Variants in LARGE1 observed in about 807,000 individuals in gnomAD.
LARGE1 encodes xylosyl- and glucuronyltransferase LARGE1.
LARGE1 carries 43 observed loss-of-function variants against 87.6 expected under a neutral mutation model. That is an observed-to-expected ratio of 0.49 (90% CI 0.38 to 0.63). The LOEUF (loss-of-function observed/expected upper bound fraction) is 0.63. Among genes scored for constraint, LARGE1 ranks in the 30% least tolerant of loss-of-function variants. The pLI is 0.00. For missense variants in LARGE1, 802 were observed against 1,000.2 expected (o/e 0.80, Z 2.67); for synonymous variants, 434 against 394.6 (o/e 1.10, Z -1.18).
intron 6 of LARGE1, among the ~76,000 whole-genome samples, chr22:33,545,785 T>C (rs984238990): frequency 2.0e-5 from 3 of 152,150 alleles, no homozygotes; most frequent in African/African-American, 7.2e-5. Flanking sequence ...GGTTTCGCCA[T>C]GTTGCCCAGG....
intron 7 of LARGE1, among the ~76,000 whole-genome samples, chr22:33,399,665 C>T (rs998689193): frequency 6.6e-6 from 1 of 152,188 alleles, no homozygotes. Flanking sequence ...TCTCCTGCCT[C>T]AGCCTCCTGA....
At chr22:33,687,250 C>A (rs2081972356) in intron 2 of LARGE1, among the ~76,000 whole-genome samples, 1 of 151,726 alleles carries the variant, frequency 6.6e-6, no homozygotes, top group Non-Finnish European at 1.5e-5. Context: ...CTGCCTTGGC[C>A]TCTCCAAGTG....
chr22:33,874,463 GC>G (rs1419248325), intron 1 of LARGE1, among the ~76,000 whole-genome samples: 2 of 152,210 alleles, frequency 1.3e-5, no homozygotes. Context: ...ACACGTGGCA[GC>G]TGAAACGGAG....
intron 2 of LARGE1, among the ~76,000 whole-genome samples, chr22:33,698,468 T>A (rs765350462): frequency 3.3e-5 from 5 of 151,734 alleles, no homozygotes; most frequent in Admixed American, 6.6e-5. Flanking sequence ...GCTCGGCTAA[T>A]TTTTGTATTC....
intron 1 of LARGE1, among the ~76,000 whole-genome samples, chr22:33,798,445 G>A (rs146560395): frequency 6.6e-4 from 101 of 152,292 alleles, no homozygotes; most frequent in African/African-American, 2.3e-3. Flanking sequence ...AAATGTACAA[G>A]TTAAAAAGGA....
chr22:33,660,624 A>G (rs2081096240), intron 2 of LARGE1, among the ~76,000 whole-genome samples: 1 of 152,118 alleles, frequency 6.6e-6, no homozygotes, highest in African/African-American at 2.4e-5. Flanking sequence ...CTCCTTCCCC[A>G]GTTTCTTGAG....
chr22:33,790,906 C>T (rs2085801507), intron 1 of LARGE1, among the ~76,000 whole-genome samples: 1 of 152,194 alleles, frequency 6.6e-6, no homozygotes, highest in African/African-American at 2.4e-5. Context: ...AAGTTTCAAT[C>T]CTTTTTTTAT....
chr22:33,885,588 GTTATAA>G (rs1165208920), intron 1 of LARGE1, among the ~76,000 whole-genome samples: 2 of 152,206 alleles, frequency 1.3e-5, no homozygotes, highest in South Asian at 2.1e-4. Context: ...TTAAAACAAA[GTTATAA>G]TTATAATGAA....
rs35955838 is a variant in LARGE1, at chr22:33,303,808, A to AGGG, written c.1730+418_1730+420dup. 9.1e-4 allele frequency among the ~76,000 whole-genome samples: 133 copies of AGGG among 146,648 alleles called. 2 individuals are homozygous for AGGG. Among genetic ancestry groups the AGGG allele is most frequent in the African/African-American group, 2.9e-3 (114 of 38,910 alleles). The stretch of plus-strand genomic sequence containing the variant: ...AGCTAATTTTTTTGGTATTTTTAGT[A>AGGG]GGGGGGGGGTTTCACCATGTTGGCC... On this transcript the variant is annotated intron_variant, in intron 12 of 14. Transcript: ENST00000397394.
At chr22:33,362,264 A>G (rs2064414869) in intron 9 of LARGE1, among the ~76,000 whole-genome samples, 1 of 149,448 alleles carries the variant, frequency 6.7e-6, no homozygotes, top group African/African-American at 2.5e-5. Context: ...GTGTATTTCT[A>G]TGGAGCACTC....
chr22:33,229,182 C>T (rs569035097), intron 11 of LARGE1, among the ~76,000 whole-genome samples: 4 of 152,264 alleles, frequency 2.6e-5, no homozygotes, highest in African/African-American at 4.8e-5. Flanking sequence ...ATCTTATCAG[C>T]TACAAATTCA....
At chr22:33,433,528 G>A (rs868167217) in intron 6 of LARGE1, among the ~76,000 whole-genome samples, 6 of 150,756 alleles carry the variant, frequency 4.0e-5, no homozygotes, top group South Asian at 2.1e-4. Context: ...TCCGGAAGGC[G>A]GAGCTTGCAG....
At chr22:33,067,317 T>C in the LARGE1 span, among the ~76,000 whole-genome samples, 1 of 152,086 alleles carries the variant, frequency 6.6e-6, no homozygotes, top group Non-Finnish European at 1.5e-5. Flanking sequence ...GACTTTTCCT[T>C]TCAAAGAAGA....
At chr22:33,763,378 G>A (rs1480082749) in intron 1 of LARGE1, among the ~76,000 whole-genome samples, 3 of 152,154 alleles carry the variant, frequency 2.0e-5, no homozygotes, top group Non-Finnish European at 2.9e-5. Flanking sequence ...AGACCACGGG[G>A]CTAGAGGGTG....
chr22:33,328,467 C>A (rs756797078), intron 10 of LARGE1, among the ~76,000 whole-genome samples: 8 of 152,018 alleles, frequency 5.3e-5, no homozygotes, highest in Non-Finnish European at 1.0e-4. Flanking sequence ...GTAATCCCAG[C>A]TACTCGAGAG....
At chr22:33,421,143 C>G (rs2066677266) in intron 7 of LARGE1, among the ~76,000 whole-genome samples, 1 of 152,056 alleles carries the variant, frequency 6.6e-6, no homozygotes, top group Non-Finnish European at 1.5e-5. Flanking sequence ...GAGCAGAGAT[C>G]ACGCCACTGC....
chr22:33,116,552 A>C, the LARGE1 span, among the ~76,000 whole-genome samples: 2 of 149,030 alleles, frequency 1.3e-5, no homozygotes. Flanking sequence ...TTTAGTAGAG[A>C]CGGGGTTTCA....
chr22:33,438,323 G>A (rs995724164), intron 6 of LARGE1, among the ~76,000 whole-genome samples: 1 of 152,074 alleles, frequency 6.6e-6, no homozygotes, highest in Admixed American at 6.5e-5. Flanking sequence ...CGTCTTCTTG[G>A]GAGTTATTGT....
chr22:33,562,891 G>A (rs2077903213), intron 6 of LARGE1: 1 of 152,532 alleles, frequency 6.6e-6, no homozygotes, highest in South Asian at 2.1e-4. Context: ...AGTTTCTTTG[G>A]AAAAAGACCC....
Sources: gnomAD v4.1 joint callset for allele counts (sites outside exome capture counted in the v4.1 genomes callset) on GRCh38, gnomAD v4.1.1 for gene constraint, MANE v1.5 for transcripts, NCBI Gene and HGNC (gene_info 2026-07-23, HGNC 2026-07-21) for gene names.